Variants in GABRR1 observed in about 807,000 individuals in gnomAD.
GABRR1 encodes the protein gamma-aminobutyric acid type A receptor subunit rho1.
In GABRR1, 59 loss-of-function variants were observed where a neutral mutation model predicts 55.5. That is an observed-to-expected ratio of 1.06 (90% CI 0.86 to 1.32). The LOEUF is 1.32. Among genes scored for constraint, GABRR1 ranks in the 40% most tolerant of loss-of-function variants. The pLI is 0.00. For missense variants in GABRR1, 602 were observed against 619.1 expected (o/e 0.97, Z 0.29); for synonymous variants, 213 against 226.0 (o/e 0.94, Z 0.51).
In GABRR1 at chr6:89,181,988, T is replaced by C; in HGVS notation, c.866A>G (p.Tyr289Cys). 1 of 1,613,598 alleles carries C rather than the reference T, an allele frequency of 6.2e-7. No individual in the cohort carries two copies. Among genetic ancestry groups the C allele is most frequent in the African/African-American group, 1.3e-5 (1 of 74,848 alleles). ...RHIFFFLLQT[Y>C]FPATLMVMLS... ...CATGACCATCAGGGTAGCGGGGAAA[T>C]AAGTTTGGAGCAAGAAGAAGAAGAT... Residue 289 changes from tyrosine (Y) to cysteine (C), a missense_variant, in exon 8 of 10, where the codon TAT becomes TGT. This residue lies in a region of GABRR1 where 435 missense variants were observed against 424.2 expected (regional missense o/e 1.03). Coordinates refer to ENST00000454853, the MANE Select transcript of GABRR1 (RefSeq NM_002042.5).
At chr6:89,218,226 A>T (rs1267696569), upstream of GABRR1, among the ~76,000 whole-genome samples, 1 of 152,150 alleles carries the variant, frequency 6.6e-6, no homozygotes, top group African/African-American at 2.4e-5. Flanking sequence ...TAACTTTCAG[A>T]CTGTACCGGT....
At chr6:89,199,078 T>C (rs747423242) in intron 4 of GABRR1, among the ~76,000 whole-genome samples, 2 of 152,154 alleles carry the variant, frequency 1.3e-5, no homozygotes, top group East Asian at 1.9e-4. Context: ...AGCTGCAAAC[T>C]TGGGCCCTGC....
intron 7 of GABRR1, among the ~76,000 whole-genome samples, chr6:89,184,650 T>G (rs1227318692): frequency 1.3e-5 from 2 of 152,156 alleles, no homozygotes; most frequent in Non-Finnish European, 2.9e-5. Flanking sequence ...TGTATTTGTT[T>G]CCTGCTGTCA....
intron 1 of GABRR1, among the ~76,000 whole-genome samples, chr6:89,208,568 C>T (rs1772723190): frequency 6.6e-6 from 1 of 152,214 alleles, no homozygotes; most frequent in Admixed American, 6.5e-5. Flanking sequence ...GGGGAGCCCC[C>T]ATCCAGTCAG....
intron 1 of GABRR1, among the ~76,000 whole-genome samples, chr6:89,211,585 G>A (rs1456447269): frequency 6.6e-6 from 1 of 152,122 alleles, no homozygotes; most frequent in Non-Finnish European, 1.5e-5. Flanking sequence ...TGACCTTGGA[G>A]TGATCTGACC....
In GABRR1 at chr6:89,181,811, C is replaced by T. The variant is rs1352356123; in HGVS notation, c.949+94G>A. On this transcript the variant is annotated intron_variant, in intron 8 of 9. Coordinates refer to ENST00000454853, the MANE Select transcript of GABRR1 (RefSeq NM_002042.5). ...CCAAGTCATAACGCCAAAAGGGATA[C>T]AGAATCAATTTGAAAAGAATGGTTT... 16 of 1,267,522 alleles carry T rather than the reference C, an allele frequency of 1.3e-5. No homozygotes were observed. In the South Asian group the frequency reaches 2.2e-4, roughly 17 times the overall value. The allele number at this position is 1,267,522 out of a possible 1,614,324, so 78.5% of individuals were successfully genotyped here.
At chr6:89,201,400 C>G in intron 2 of GABRR1, 135 bp from the exon 3 acceptor site, 1 of 620,310 alleles carries the variant, frequency 1.6e-6, no homozygotes, top group Non-Finnish European at 2.9e-6. Context: ...GACATCCCCT[C>G]TTTCTTTCTC....
At chr6:89,195,133 C>T (rs1341223989) in intron 5 of GABRR1, among the ~76,000 whole-genome samples, 1 of 152,100 alleles carries the variant, frequency 6.6e-6, no homozygotes, top group East Asian at 1.9e-4. Context: ...ATCCCAAAAG[C>T]AGCAAGATAA....
chr6:89,180,272 T>A lies in GABRR1; in HGVS notation c.1146+20A>T, dbSNP rs1771675308. Reference sequence around the variant, plus strand: ...CAGGTTCCATCCTGACCAGACACTATAAGCGCATGGCAAAGTCACCTTCTC... The same window carrying A: ...CAGGTTCCATCCTGACCAGACACTAAAAGCGCATGGCAAAGTCACCTTCTC... On this transcript the variant is annotated intron_variant, in intron 9 of 9. Transcript: ENST00000454853. 1 of 1,611,038 alleles carries A rather than the reference T, an allele frequency of 6.2e-7. No individual in the cohort carries two copies. Among genetic ancestry groups the A allele is most frequent in the Non-Finnish European group, 8.5e-7 (1 of 1,178,694 alleles).
At chr6:89,180,628 T>A in intron 8 of GABRR1, 140 bp from the exon 9 acceptor site, 1 of 1,010,034 alleles carries the variant, frequency 9.9e-7, no homozygotes, top group Non-Finnish European at 1.4e-6. Context: ...AGCAAACACC[T>A]ACACATCTTT....
rs150891734 is a variant in GABRR1 at position 89,211,666 on chromosome 6, T to C, written c.122+5535A>G. ...AACACCTTCCTAGTCGGAAGGTCTC[T>C]GATGGCACAGCCTGCATCTCATTTT... On this transcript the variant is annotated intron_variant, in intron 1 of 9. Transcript: ENST00000454853. Among the ~76,000 whole-genome samples, 248 of 152,314 alleles carry C rather than the reference T, an allele frequency of 1.6e-3. 2 individuals carry two copies. The highest frequency in any genetic ancestry group is 5.1e-3 in the African/African-American group (211 of 41,578).
intron 7 of GABRR1, among the ~76,000 whole-genome samples, chr6:89,184,885 CTTTT>C (rs754802888): frequency 1.6e-5 from 2 of 123,716 alleles, no homozygotes; most frequent in Admixed American, 8.7e-5. Flanking sequence ...TCTTTTCTTT[CTTTT>C]TTTTTTTTTT....
At chr6:89,181,360 A>G (rs916776642) in intron 8 of GABRR1, among the ~76,000 whole-genome samples, 2 of 152,304 alleles carry the variant, frequency 1.3e-5, no homozygotes, top group South Asian at 4.1e-4. Flanking sequence ...AAGGTGAGAA[A>G]AAGAGCTGAC....
chr6:89,180,767 C>T (rs2127788761), intron 8 of GABRR1, among the ~76,000 whole-genome samples: 1 of 152,302 alleles, frequency 6.6e-6, no homozygotes, highest in Admixed American at 6.5e-5. Flanking sequence ...GAACCCTAGA[C>T]ATTTTGGCAT....
At chr6:89,187,225 G>GTGTGT (rs921160303) in intron 6 of GABRR1, among the ~76,000 whole-genome samples, 14 of 152,044 alleles carry the variant, frequency 9.2e-5, no homozygotes, top group Non-Finnish European at 1.8e-4. Flanking sequence ...GTGTGTGTGT[G>GTGTGT]TGTGTTGTGT....
In GABRR1 at chr6:89,190,257, A is replaced by G; in HGVS notation, c.573-10T>C. 6.3e-7 allele frequency: 1 copy of G among 1,593,802 alleles called. No individual in the cohort carries two copies. ...TGCAGTTACTGTAACCCTAGGGCCA[A>G]AAAGACAAAATTGATTTATTCAGAG... On this transcript the variant is annotated splice_polypyrimidine_tract_variant and intron_variant, in intron 5 of 9. Transcript: ENST00000454853.
Position 89,178,663 on chromosome 6 carries a change from T to C in GABRR1, c.*107A>G. 1.1e-6 allele frequency: 1 copy of C among 911,366 alleles called. No individual in the cohort carries two copies. Among genetic ancestry groups the C allele is most frequent in the Non-Finnish European group, 1.6e-6 (1 of 607,268 alleles). The allele number at this position is 911,366 out of a possible 1,614,324, so 56.5% of individuals were successfully genotyped here. On this transcript the variant is annotated 3_prime_UTR_variant, in exon 10 of 10. Transcript: ENST00000454853. The stretch of plus-strand genomic sequence containing the variant: ...GCAGAAGGGATAGTGAAAACATGGG[T>C]GGGTCCTGGGATTTTTTTTTAACCA...
At chr6:89,217,156 T>C in intron 1 of GABRR1, 45 bp downstream of exon 1, 1 of 1,601,592 alleles carries the variant, frequency 6.2e-7, no homozygotes, top group Non-Finnish European at 8.5e-7. Context: ...GCTCACTTTG[T>C]GCATCCTCTT....
intron 1 of GABRR1, among the ~76,000 whole-genome samples, chr6:89,214,139 A>C (rs1463918274): frequency 6.6e-6 from 1 of 152,054 alleles, no homozygotes; most frequent in Non-Finnish European, 1.5e-5. Flanking sequence ...ACTATGGTTG[A>C]ATAGAAGTGG....
Sources: allele counts gnomAD v4.1 joint callset (sites outside exome capture counted in the v4.1 genomes callset), GRCh38; gene constraint gnomAD v4.1.1; regional missense constraint gnomAD v4.1.1; transcripts MANE v1.5; gene names NCBI Gene and HGNC (gene_info 2026-07-23, HGNC 2026-07-21).